The following ESF1 variants were observed in gnomAD, a reference collection of about 807,000 sequenced individuals.
ESF1 encodes ESF1 homolog.
Under a neutral mutation model 92.0 loss-of-function variants are expected in ESF1, and 58 were observed. That is an observed-to-expected ratio of 0.63 (90% confidence interval 0.51 to 0.78). The LOEUF (loss-of-function observed/expected upper bound fraction) is 0.78. Among genes scored for constraint, ESF1 ranks in the 30% least tolerant of loss-of-function variants. The probability of loss-of-function intolerance (pLI) is 0.00; values close to 1 mark genes in which losing one functional copy is unlikely to be tolerated. For synonymous variants in ESF1, 321 were observed against 313.7 expected (o/e 1.02, Z -0.24); for missense variants, 922 against 989.1 (o/e 0.93, Z 0.91).
At position 13,728,413 on chromosome 20, in the gene ESF1, T is replaced by C. The variant is rs1294857360; in HGVS notation, c.2003A>G (p.Asn668Ser). 10 of 1,613,110 alleles carry C rather than the reference T, an allele frequency of 6.2e-6. No individual in the cohort carries two copies. Among genetic ancestry groups the C allele is most frequent in the Non-Finnish European group, 7.6e-6 (9 of 1,179,584 alleles). Reference protein sequence around the residue: ...EEELPSDVDLNDPYFAEEVKQ... With the variant: ...EEELPSDVDLSDPYFAEEVKQ... ...AACTTCTTCAGCAAAGTATGGGTCATTCAAATCAACATCAGAGGGAAGTTC... is the reference window on the plus strand; with the variant it reads ...AACTTCTTCAGCAAAGTATGGGTCACTCAAATCAACATCAGAGGGAAGTTC... Residue 668 changes from asparagine (N) to serine (S), a missense_variant, in exon 11 of 14, where the codon AAT becomes AGT. By Grantham distance (46) the Asn-to-Ser change is conservative (BLOSUM62 1). Coordinates refer to ENST00000617257, the MANE Select transcript of ESF1 (RefSeq NM_001276380.2).
intron 9 of ESF1, among the ~76,000 whole-genome samples, chr20:13,748,489 T>C (rs1269236719): frequency 6.3e-4 from 84 of 134,184 alleles, no homozygotes; most frequent in African/African-American, 2.1e-3. Flanking sequence ...CATATACACA[T>C]ATATATACAT....
chr20:13,762,854 GTTTTTT>G, intron 8 of ESF1: 7 of 186,336 alleles, frequency 3.8e-5, no homozygotes, highest in Admixed American at 1.1e-4. Flanking sequence ...ATTTATTAAA[GTTTTTT>G]TTTTTTTTTT....
chr20:13,779,233 A>G (rs571042797), intron 2 of ESF1, among the ~76,000 whole-genome samples: 1 of 152,212 alleles, frequency 6.6e-6, no homozygotes, highest in Non-Finnish European at 1.5e-5. Context: ...AAAAACCAAA[A>G]AAACTGCTTT....
At chr20:13,719,859 T>A (rs979044624) in intron 11 of ESF1, among the ~76,000 whole-genome samples, 3 of 152,200 alleles carry the variant, frequency 2.0e-5, no homozygotes, top group Non-Finnish European at 4.4e-5. Context: ...TAATAATAAT[T>A]TGACAGTCAC....
chr20:13,739,204 T>C (rs977143215), intron 9 of ESF1, among the ~76,000 whole-genome samples: 2 of 152,178 alleles, frequency 1.3e-5, no homozygotes. Flanking sequence ...TTGTTGCTGA[T>C]TGTCTAAAAG....
chr20:13,776,039 CTA>C lies in ESF1; in HGVS notation c.867_868del (p.Asp289GlufsTer2). On this transcript the variant is annotated frameshift_variant, in exon 3 of 14. Transcript: ENST00000617257. LOFTEE classifies it high-confidence loss of function. ...ACTGTCACTTTTATCATCATCCTCA[CTA>C]TCCTCATCTTCATCCTCCTCTTCAT... The C allele has an allele frequency of 6.2e-7, 1 of 1,613,958 alleles. No individual in the cohort carries two copies. Among genetic ancestry groups the C allele is most frequent in the Non-Finnish European group, 8.5e-7 (1 of 1,179,900 alleles).
rs572241497 is a variant in ESF1, at chr20:13,747,673, G to T, written c.1828+12019C>A. On this transcript the variant is annotated intron_variant, in intron 9 of 13. Coordinates refer to ENST00000617257, the MANE Select transcript of ESF1 (RefSeq NM_001276380.2). ...AATATTAACATTTAGGACTTCAATAGTCACATGTCAGCTAATGATGGAACA... is the reference window on the plus strand; with the variant it reads ...AATATTAACATTTAGGACTTCAATATTCACATGTCAGCTAATGATGGAACA... Among the ~76,000 whole-genome samples, 3 of 151,660 alleles carry T rather than the reference G, an allele frequency of 2.0e-5. No homozygotes were observed. The South Asian group carries it at 6.3e-4, about 32-fold the overall frequency.
Position 13,759,864 on chromosome 20 carries a change from AAAAATT to A in ESF1, c.1667-17_1667-12del. 1 of 1,579,888 alleles carries A rather than the reference AAAAATT, an allele frequency of 6.3e-7. No individual in the cohort carries two copies. On this transcript the variant is annotated splice_polypyrimidine_tract_variant and intron_variant, in intron 8 of 13. Coordinates refer to ENST00000617257, the MANE Select transcript of ESF1 (RefSeq NM_001276380.2). ...TGACTCCATCATCACCTAATGAAAA[AAAAATT>A]CACTTAATACACAGAAACAATTCAT...
chr20:13,742,338 T>C (rs150376458), intron 9 of ESF1, among the ~76,000 whole-genome samples: 2,791 of 152,070 alleles, frequency 0.018, 91 homozygotes, highest in African/African-American at 0.062. Context: ...CTGGGTGTGG[T>C]AGTGAGTGAC....
In ESF1 at chr20:13,775,915, A is replaced by C. The variant is rs1419085736; in HGVS notation, c.993T>G (p.His331Gln). The change falls in exon 3 of 14, where the codon CAT (histidine) becomes CAG (glutamine). Residue 331 changes from histidine to glutamine, a missense_variant. His to Gln is a conservative substitution (Grantham distance 24). Coordinates refer to ENST00000617257, the MANE Select transcript of ESF1 (RefSeq NM_001276380.2). ...CATCTTTATCTAATTCTCTCCAAGC[A>C]TGCTCAAAACCAGATTCTTCTGGAA... The part of the protein sequence containing the change: ...DLFPEESGFE[H>Q]AWRELDKDAP... The C allele has an allele frequency of 6.2e-7, 1 of 1,613,284 alleles. No individual in the cohort carries two copies. Among genetic ancestry groups the C allele is most frequent in the African/African-American group, 1.3e-5 (1 of 74,920 alleles).
chr20:13,758,645 A>G (rs903881990), intron 9 of ESF1, among the ~76,000 whole-genome samples: 1 of 152,238 alleles, frequency 6.6e-6, no homozygotes, highest in Admixed American at 6.5e-5. Context: ...AGTTTTAAGC[A>G]ATGGTATTCC....
At chr20:13,770,566 T>G (rs1193323991) in intron 6 of ESF1, among the ~76,000 whole-genome samples, 1 of 152,230 alleles carries the variant, frequency 6.6e-6, no homozygotes, top group East Asian at 1.9e-4. Context: ...CAGGCTGGTC[T>G]TGAACTCCTG....
At chr20:13,771,812 T>C (rs1377743040) in intron 5 of ESF1, among the ~76,000 whole-genome samples, 1 of 151,802 alleles carries the variant, frequency 6.6e-6, no homozygotes, top group Non-Finnish European at 1.5e-5. Flanking sequence ...AATTCTATTA[T>C]AAAATATGCT....
At chr20:13,735,628 A>G (rs1026123613) in intron 9 of ESF1, among the ~76,000 whole-genome samples, 1 of 152,162 alleles carries the variant, frequency 6.6e-6, no homozygotes, top group African/African-American at 2.4e-5. Context: ...TCAGCACACA[A>G]TCAGTTCAGT....
At chr20:13,781,031 C>T (rs1431866447) in intron 2 of ESF1, among the ~76,000 whole-genome samples, 4 of 152,216 alleles carry the variant, frequency 2.6e-5, no homozygotes, top group African/African-American at 9.6e-5. Flanking sequence ...AATTTTTCCA[C>T]ACCCCAAAGT....
rs59748081 is a variant in ESF1 at position 13,732,903 on chromosome 20, C to CTTATTTATTTAT, written c.1950+806_1950+817dup. Reference sequence around the variant, plus strand: ...ACCACATTAACACAGAGGAAATACTCTTATTTATTTATTTATTTATTTATT... The same window carrying CTTATTTATTTAT: ...ACCACATTAACACAGAGGAAATACTCTTATTTATTTATTTATTTATTTATTTATTTATTTATT... On this transcript the variant is annotated intron_variant, in intron 10 of 13. Coordinates refer to ENST00000617257, the MANE Select transcript of ESF1 (RefSeq NM_001276380.2). Among the ~76,000 whole-genome samples the CTTATTTATTTAT allele has an allele frequency of 1.8e-3, 260 of 147,434 alleles. 1 individual carries two copies. Among genetic ancestry groups the CTTATTTATTTAT allele is most frequent in the Non-Finnish European group, 2.1e-3 (138 of 67,138 alleles).
chr20:13,717,941 TA>T lies in ESF1; in HGVS notation c.2116-428del, dbSNP rs751126545. Among the ~76,000 whole-genome samples, 22 of 151,460 alleles carry T rather than the reference TA, an allele frequency of 1.5e-4. No homozygotes were observed. In the East Asian group the frequency reaches 1.5e-3, roughly 11 times the overall value. On this transcript the variant is annotated intron_variant, in intron 12 of 13. Transcript: ENST00000617257. ...TTCTAAATGTGTAACTTTTAACAAG[TA>T]AGTTTTTTTTTTGCTTTTTTTTTTT...
At chr20:13,724,020 G>T (rs761556076) in intron 11 of ESF1, among the ~76,000 whole-genome samples, 37 of 152,328 alleles carry the variant, frequency 2.4e-4, no homozygotes, top group Middle Eastern at 3.4e-3. Flanking sequence ...CTGGCTGGGT[G>T]TGGTGGCTCA....
intron 5 of ESF1, among the ~76,000 whole-genome samples, chr20:13,772,186 T>C (rs1034919466): frequency 2.6e-5 from 4 of 151,590 alleles, no homozygotes; most frequent in African/African-American, 9.7e-5. Flanking sequence ...AGAGCTTCAA[T>C]GATGTCTCAA....
Sources: gnomAD v4.1 joint callset for allele counts (sites outside exome capture counted in the v4.1 genomes callset) on GRCh38, gnomAD v4.1.1 for gene constraint, MANE v1.5 for transcripts, NCBI Gene and HGNC (gene_info 2026-07-23, HGNC 2026-07-21) for gene names.